Variants in SLX4IP observed in about 807,000 individuals in gnomAD.
The protein encoded by SLX4IP is protein SLX4IP.
SLX4IP carries 34 observed loss-of-function variants against 32.9 expected under a neutral mutation model. The observed-to-expected ratio is 1.03, with a 90% CI of 0.79 to 1.38. SLX4IP has a LOEUF of 1.38. Ranked by LOEUF, SLX4IP falls within the 40% of genes most tolerant of loss-of-function variation. The pLI, the probability that SLX4IP is intolerant of heterozygous loss-of-function variation, is 0.00. For missense variants in SLX4IP, 444 were observed against 479.0 expected (o/e 0.93, Z 0.68); for synonymous variants, 172 against 171.7 (o/e 1.00, Z -0.01).
At chr20:10,459,796 G>C (rs1203348856) in intron 2 of SLX4IP, among the ~76,000 whole-genome samples, 1 of 152,150 alleles carries the variant, frequency 6.6e-6, no homozygotes, top group African/African-American at 2.4e-5. Flanking sequence ...TCCTGTGTGA[G>C]GGATAGTGGG....
intron 2 of SLX4IP, among the ~76,000 whole-genome samples, chr20:10,506,424 T>C (rs1163229874): frequency 6.6e-6 from 1 of 152,222 alleles, no homozygotes; most frequent in African/African-American, 2.4e-5. Context: ...GTTTCATAAA[T>C]TTACTGAACA....
chr20:10,488,095 G>A (rs962229106), intron 2 of SLX4IP, among the ~76,000 whole-genome samples: 1 of 152,108 alleles, frequency 6.6e-6, no homozygotes, highest in Non-Finnish European at 1.5e-5. Flanking sequence ...TCCCAACAGA[G>A]TTCTGCTCAT....
chr20:10,440,401 G>A (rs1464203668), intron 1 of SLX4IP, among the ~76,000 whole-genome samples: 1 of 151,966 alleles, frequency 6.6e-6, no homozygotes, highest in Non-Finnish European at 1.5e-5. Flanking sequence ...GTTGCAGTGA[G>A]CCAAGATAGT....
chr20:10,590,868 G>A (rs1784938144), intron 4 of SLX4IP, among the ~76,000 whole-genome samples: 1 of 152,196 alleles, frequency 6.6e-6, no homozygotes, highest in African/African-American at 2.4e-5. Context: ...CAACTGAAGT[G>A]TGAAGAATTT....
At chr20:10,572,582 A>AT (rs1322970458) in intron 4 of SLX4IP, among the ~76,000 whole-genome samples, 1 of 151,950 alleles carries the variant, frequency 6.6e-6, no homozygotes, top group African/African-American at 2.4e-5. Flanking sequence ...GTAACAGTAA[A>AT]TTTTTTTTAC....
At chr20:10,591,360 G>T (rs952441401) in intron 4 of SLX4IP, among the ~76,000 whole-genome samples, 1 of 152,208 alleles carries the variant, frequency 6.6e-6, no homozygotes, top group Non-Finnish European at 1.5e-5. Context: ...GAATAGTCCA[G>T]TGGTTCATGA....
chr20:10,510,900 G>A (rs1375105253), intron 2 of SLX4IP, among the ~76,000 whole-genome samples: 2 of 152,178 alleles, frequency 1.3e-5, no homozygotes, highest in Non-Finnish European at 2.9e-5. Flanking sequence ...CATCGCACCC[G>A]GCGGTGCCTG....
chr20:10,583,732 A>G (rs2122528724), intron 4 of SLX4IP, among the ~76,000 whole-genome samples: 1 of 152,300 alleles, frequency 6.6e-6, no homozygotes, highest in African/African-American at 2.4e-5. Context: ...TCACGCTAAC[A>G]ATGTATATAC....
At chr20:10,575,230 C>T (rs545840484) in intron 4 of SLX4IP, among the ~76,000 whole-genome samples, 7 of 152,230 alleles carry the variant, frequency 4.6e-5, no homozygotes, top group African/African-American at 1.7e-4. Context: ...GTATTTCTAA[C>T]GATGACAACT....
chr20:10,582,074 G>A (rs1479951477), intron 4 of SLX4IP, among the ~76,000 whole-genome samples: 1 of 152,146 alleles, frequency 6.6e-6, no homozygotes, highest in African/African-American at 2.4e-5. Flanking sequence ...CTTTTGTGAG[G>A]CCCCAGGGAA....
intron 4 of SLX4IP, among the ~76,000 whole-genome samples, chr20:10,598,273 A>G (rs2066797220): frequency 1.3e-5 from 2 of 151,956 alleles, no homozygotes; most frequent in South Asian, 4.2e-4. Context: ...TTCATTTACT[A>G]ATTATTATTA....
intron 2 of SLX4IP, among the ~76,000 whole-genome samples, chr20:10,463,026 C>T (rs754981394): frequency 6.6e-6 from 1 of 152,118 alleles, no homozygotes. Flanking sequence ...TTGAGTTCAG[C>T]CTGGGCAACA....
At chr20:10,509,568 T>A (rs1456999170) in intron 2 of SLX4IP, among the ~76,000 whole-genome samples, 2 of 152,196 alleles carry the variant, frequency 1.3e-5, no homozygotes, top group Non-Finnish European at 2.9e-5. Flanking sequence ...CTCTTCCTGT[T>A]AAAGAAAAGT....
intron 1 of SLX4IP, among the ~76,000 whole-genome samples, chr20:10,435,798 A>G (rs887810659): frequency 4.6e-5 from 7 of 152,224 alleles, no homozygotes; most frequent in Non-Finnish European, 1.0e-4. Context: ...GATGTGAGGT[A>G]AATACAGATT....
chr20:10,486,491 C>G (rs1413069008), intron 2 of SLX4IP, among the ~76,000 whole-genome samples: 1 of 152,094 alleles, frequency 6.6e-6, no homozygotes, highest in Non-Finnish European at 1.5e-5. Context: ...TCCTTAAACC[C>G]TCACAACACC....
chr20:10,453,192 C>A (rs1223071039), intron 1 of SLX4IP, among the ~76,000 whole-genome samples: 1 of 152,128 alleles, frequency 6.6e-6, no homozygotes, highest in Non-Finnish European at 1.5e-5. Flanking sequence ...TTATTTACTG[C>A]AGTTTTTGTT....
intron 2 of SLX4IP, among the ~76,000 whole-genome samples, chr20:10,515,874 T>C (rs1307605007): frequency 3.3e-5 from 5 of 152,216 alleles, no homozygotes; most frequent in Admixed American, 1.3e-4. Flanking sequence ...CACATGTTAC[T>C]TGAGGTTTTT....
At chr20:10,458,309 C>G (rs1158282269) in intron 2 of SLX4IP, 78 bp downstream of exon 2, 1 of 1,388,668 alleles carries the variant, frequency 7.2e-7, no homozygotes, top group Non-Finnish European at 9.7e-7. Flanking sequence ...AATTGAAAAT[C>G]GAGGTTCCTA....
chr20:10,510,594 ATTATTATTT>A (rs1376052144), intron 2 of SLX4IP, among the ~76,000 whole-genome samples: 2 of 145,862 alleles, frequency 1.4e-5, no homozygotes, highest in South Asian at 2.2e-4. Context: ...TATTATTATT[ATTATTATTT>A]TTATTATTTT....
Sources: allele counts gnomAD v4.1 joint callset (sites outside exome capture counted in the v4.1 genomes callset), GRCh38; gene constraint gnomAD v4.1.1; transcripts MANE v1.5; gene names NCBI Gene and HGNC (gene_info 2026-07-23, HGNC 2026-07-21).